Variants in PTCHD4 observed in about 807,000 individuals in gnomAD.
PTCHD4 encodes patched domain containing 4.
PTCHD4 carries 33 observed loss-of-function variants against 58.1 expected under a neutral mutation model. The ratio of observed to expected loss-of-function variants is 0.57; its 90% CI spans 0.43 to 0.76. The LOEUF is 0.76. Ranked by LOEUF, PTCHD4 falls within the 30% of genes least tolerant of loss-of-function variation. The pLI is 0.00. For missense variants in PTCHD4, 1,058 were observed against 1,027.1 expected (o/e 1.03, Z -0.41); for synonymous variants, 478 against 409.6 (o/e 1.17, Z -2.02).
At chr6:48,056,332 T>A (rs943487423) in intron 3 of PTCHD4, among the ~76,000 whole-genome samples, 1 of 152,240 alleles carries the variant, frequency 6.6e-6, no homozygotes, top group Non-Finnish European at 1.5e-5. Context: ...ATGCTTCACC[T>A]TTGTTTTTAA....
chr6:47,891,081 G>C (rs1764365052), intron 4 of PTCHD4, among the ~76,000 whole-genome samples: 1 of 150,616 alleles, frequency 6.6e-6, no homozygotes, highest in African/African-American at 2.4e-5. Flanking sequence ...AATTAACTGA[G>C]TGTGGTGGCG....
chr6:47,937,141 G>A (rs1051826037), intron 4 of PTCHD4, among the ~76,000 whole-genome samples: 1 of 152,172 alleles, frequency 6.6e-6, no homozygotes, highest in African/African-American at 2.4e-5. Flanking sequence ...CTTCCATCTG[G>A]GTAAAATCAG....
chr6:47,961,291 CTTTT>C (rs563112072), intron 4 of PTCHD4, among the ~76,000 whole-genome samples: 57 of 145,196 alleles, frequency 3.9e-4, no homozygotes, highest in Admixed American at 8.9e-4. Context: ...AAATTTCTTT[CTTTT>C]TTTTTTTTCT....
intron 3 of PTCHD4, among the ~76,000 whole-genome samples, chr6:48,016,719 G>C (rs1237131056): frequency 6.6e-6 from 1 of 151,902 alleles, no homozygotes; most frequent in Non-Finnish European, 1.5e-5. Flanking sequence ...TCAATGCAGA[G>C]CTTTCAATAG....
At chr6:47,989,170 T>C (rs1186913078) in intron 4 of PTCHD4, among the ~76,000 whole-genome samples, 1 of 152,144 alleles carries the variant, frequency 6.6e-6, no homozygotes, top group East Asian at 1.9e-4. Flanking sequence ...TTGTGGAACT[T>C]TGAGCTTGAG....
intron 3 of PTCHD4, among the ~76,000 whole-genome samples, chr6:48,010,912 C>A (rs1762644852): frequency 6.6e-6 from 1 of 152,100 alleles, no homozygotes; most frequent in Non-Finnish European, 1.5e-5. Context: ...ATGAACTCAT[C>A]CATTTTTATG....
At chr6:48,105,597 A>G (rs1765700908) in intron 1 of PTCHD4, among the ~76,000 whole-genome samples, 1 of 152,186 alleles carries the variant, frequency 6.6e-6, no homozygotes, top group Admixed American at 6.5e-5. Context: ...AATAACTAAG[A>G]TCAGAGCAGA....
At chr6:47,883,226 A>G (rs1375477776) in intron 4 of PTCHD4, among the ~76,000 whole-genome samples, 1 of 152,116 alleles carries the variant, frequency 6.6e-6, no homozygotes, top group Non-Finnish European at 1.5e-5. Context: ...AACTGTCCAG[A>G]AAGTCATTTT....
At chr6:48,025,467 A>C (rs1763212420) in intron 3 of PTCHD4, among the ~76,000 whole-genome samples, 1 of 152,216 alleles carries the variant, frequency 6.6e-6, no homozygotes, top group Non-Finnish European at 1.5e-5. Context: ...TGCAACACAG[A>C]TTAATTTCCT....
intron 1 of PTCHD4, among the ~76,000 whole-genome samples, chr6:48,102,294 T>A (rs1204979986): frequency 6.6e-6 from 1 of 152,228 alleles, no homozygotes; most frequent in Admixed American, 6.5e-5. Flanking sequence ...ATAGCCTAGA[T>A]GTGAGTGAGG....
At chr6:47,901,503 A>G in intron 4 of PTCHD4, 1 of 982,316 alleles carries the variant, frequency 1.0e-6, no homozygotes, top group Non-Finnish European at 1.2e-6. Context: ...GTCAGTATTT[A>G]GGAAAGTACC....
At chr6:47,998,872 A>G (rs905107905) in intron 4 of PTCHD4, among the ~76,000 whole-genome samples, 2 of 152,210 alleles carry the variant, frequency 1.3e-5, no homozygotes, top group African/African-American at 4.8e-5. Context: ...AGGCAAGAAA[A>G]TTAAAACTAA....
At chr6:48,090,259 T>C (rs958571383) in intron 1 of PTCHD4, among the ~76,000 whole-genome samples, 10 of 152,244 alleles carry the variant, frequency 6.6e-5, no homozygotes, top group African/African-American at 2.4e-4. Flanking sequence ...GCATATCTAC[T>C]ATATATTGTG....
rs913021507 is a variant in PTCHD4, at chr6:48,000,959, C to T, written c.898+7675G>A. ...AATCACAAGCATTCTTATACACCAA[C>T]AACAGACAAACAGAGAGCCAAATCA... On this transcript the variant is annotated intron_variant, in intron 4 of 4. Coordinates refer to ENST00000339488, the MANE Select transcript of PTCHD4 (RefSeq NM_001384253.1). Among the ~76,000 whole-genome samples the T allele has an allele frequency of 7.2e-5, 11 of 152,030 alleles. 1 individual carries two copies. Among genetic ancestry groups the T allele is most frequent in the South Asian group, 6.2e-4 (3 of 4,826 alleles).
intron 3 of PTCHD4, among the ~76,000 whole-genome samples, chr6:48,020,291 G>A (rs1444961803): frequency 6.6e-6 from 1 of 151,928 alleles, no homozygotes; most frequent in Non-Finnish European, 1.5e-5. Flanking sequence ...CAGATCTTAT[G>A]GAATGCACAC....
intron 4 of PTCHD4, among the ~76,000 whole-genome samples, chr6:47,997,439 A>G (rs1008264228): frequency 2.0e-5 from 3 of 152,100 alleles, no homozygotes; most frequent in Non-Finnish European, 4.4e-5. Flanking sequence ...ATCTTACTTT[A>G]TATCATTAAA....
At chr6:48,001,321 G>A (rs572891764) in intron 4 of PTCHD4, among the ~76,000 whole-genome samples, 32 of 152,186 alleles carry the variant, frequency 2.1e-4, no homozygotes, top group African/African-American at 5.8e-4. Flanking sequence ...CCAAAAGAAC[G>A]AAGCTGGAGG....
chr6:47,903,053 C>A (rs772953138), intron 4 of PTCHD4, among the ~76,000 whole-genome samples: 88 of 152,196 alleles, frequency 5.8e-4, no homozygotes, highest in Non-Finnish European at 7.5e-4. Context: ...AACTTAATTT[C>A]CTTTCCTTCA....
At chr6:48,064,132 A>G (rs1407757565) in intron 3 of PTCHD4, among the ~76,000 whole-genome samples, 1 of 152,184 alleles carries the variant, frequency 6.6e-6, no homozygotes, top group Non-Finnish European at 1.5e-5. Flanking sequence ...ATTCAGGGAA[A>G]TAGATTTGCT....
Sources: gnomAD v4.1 joint callset for allele counts (sites outside exome capture counted in the v4.1 genomes callset) on GRCh38, gnomAD v4.1.1 for gene constraint, MANE v1.5 for transcripts, NCBI Gene and HGNC (gene_info 2026-07-23, HGNC 2026-07-21) for gene names.